NARS1: variants seen among roughly 807,000 people sequenced by gnomAD.
NARS1 encodes asparagine--tRNA ligase, cytoplasmic.
A neutral mutation model predicts 79.2 loss-of-function variants in NARS1; 65 were observed. The ratio of observed to expected loss-of-function variants is 0.82; its 90% CI spans 0.67 to 1.01. The LOEUF is 1.01. Among genes scored for constraint, NARS1 ranks in the 50% least tolerant of loss-of-function variants. The probability of loss-of-function intolerance (pLI) is 0.00; values close to 1 mark genes in which losing one functional copy is unlikely to be tolerated. For missense variants in NARS1, 649 were observed against 673.8 expected, an observed-to-expected ratio of 0.96 and a Z score of 0.41; for synonymous variants, 229 against 238.8, an observed-to-expected ratio of 0.96 and a Z score of 0.38.
At chr18:57,615,395 G>A (rs1408052504) in intron 4 of NARS1, among the ~76,000 whole-genome samples, 7 of 152,102 alleles carry the variant, frequency 4.6e-5, no homozygotes, top group African/African-American at 1.2e-4. Flanking sequence ...CCAGCTACTC[G>A]GGAGGCTGAG....
intron 11 of NARS1, among the ~76,000 whole-genome samples, chr18:57,604,282 T>C (rs902849934): frequency 6.6e-6 from 1 of 152,108 alleles, no homozygotes; most frequent in South Asian, 2.1e-4. Flanking sequence ...CTGGGCACAG[T>C]GTGGCTCATG....
At chr18:57,620,229 C>A (rs1411478942) in intron 2 of NARS1, among the ~76,000 whole-genome samples, 6 of 152,094 alleles carry the variant, frequency 3.9e-5, no homozygotes, top group Non-Finnish European at 5.9e-5. Context: ...CTCTCAGGAG[C>A]CCCCTGGTCA....
intron 2 of NARS1, among the ~76,000 whole-genome samples, chr18:57,617,658 T>C (rs1908109504): frequency 6.6e-6 from 1 of 150,614 alleles, no homozygotes; most frequent in African/African-American, 2.4e-5. Context: ...GGCTCACGCC[T>C]ATAATCCTAG....
In NARS1 at chr18:57,611,630, T is replaced by C; in HGVS notation, c.492+7A>G. On this transcript the variant is annotated splice_region_variant and intron_variant, in intron 6 of 13. Transcript: ENST00000256854. Reference sequence around the variant, plus strand: ...ATTTTCAGGCATAAATAAGAGAAAATATTTACCAACTCATCCGCCAAGACA... The same window carrying C: ...ATTTTCAGGCATAAATAAGAGAAAACATTTACCAACTCATCCGCCAAGACA... The C allele has an allele frequency of 6.4e-7, 1 of 1,572,170 alleles. No individual in the cohort carries two copies. The highest frequency in any genetic ancestry group is 8.7e-7 in the Non-Finnish European group (1 of 1,153,268).
In NARS1 at chr18:57,620,658, G is replaced by C; in HGVS notation, c.11-7C>G. ...TCAGAGACGTACAGCTCTGCTGTTT[G>C]ACAAAATGAGGGTAAGTTATGGTCT... On this transcript the variant is annotated splice_polypyrimidine_tract_variant and splice_region_variant and intron_variant, in intron 1 of 13. Transcript: ENST00000256854. 1 of 1,596,944 alleles carries C rather than the reference G, an allele frequency of 6.3e-7. No individual in the cohort carries two copies. Among genetic ancestry groups the C allele is most frequent in the Non-Finnish European group, 8.6e-7 (1 of 1,166,716 alleles).
At chr18:57,606,774 A>G in intron 9 of NARS1, 23 bp from the exon 10 acceptor site, 14 of 1,613,776 alleles carry the variant, frequency 8.7e-6, no homozygotes, top group Non-Finnish European at 1.1e-5. Flanking sequence ...ACAATAGCTC[A>G]GCACTGCTTT....
intron 4 of NARS1, among the ~76,000 whole-genome samples, chr18:57,614,782 C>T (rs1428622029): frequency 2.0e-5 from 3 of 152,206 alleles, no homozygotes; most frequent in African/African-American, 7.2e-5. Flanking sequence ...TCAGTTGGGA[C>T]AGAATTCATT....
chr18:57,607,031 T>C (rs1200648712), intron 9 of NARS1, 103 bp downstream of exon 9: 7 of 1,236,374 alleles, frequency 5.7e-6, no homozygotes, highest in Non-Finnish European at 7.9e-6. Flanking sequence ...ACTTAATATA[T>C]CAGTTGGTTT....
Position 57,618,193 on chromosome 18 carries a change from C to T in NARS1, c.94-2218G>A, listed in dbSNP as rs537365238. Among the ~76,000 whole-genome samples, 12 of 148,512 alleles carry T rather than the reference C, an allele frequency of 8.1e-5. No individual in the cohort carries two copies. In the South Asian group the frequency reaches 2.1e-3, roughly 26 times the overall value. On this transcript the variant is annotated intron_variant, in intron 2 of 13. Transcript: ENST00000256854. ...ATCCCAGCTACTCAGGACGCTGAGG[C>T]AGGGAGAATTGCTTGAACCCAGAAG...
At chr18:57,603,403 T>C (rs1262598902) in intron 11 of NARS1, among the ~76,000 whole-genome samples, 1 of 152,196 alleles carries the variant, frequency 6.6e-6, no homozygotes, top group Non-Finnish European at 1.5e-5. Flanking sequence ...ATGACACTTA[T>C]CTTTAAACTC....
rs766461778 is a variant in NARS1, at chr18:57,621,735, T to C, written c.-18A>G. Reference sequence around the variant, plus strand: ...AGCACCATGCCTGCAGTGGCCCTGGTCACCTCCAAGGACACAGACTGCAAC... The same window carrying C: ...AGCACCATGCCTGCAGTGGCCCTGGCCACCTCCAAGGACACAGACTGCAAC... On this transcript the variant is annotated 5_prime_UTR_variant, in exon 1 of 14. Coordinates refer to ENST00000256854, the MANE Select transcript of NARS1 (RefSeq NM_004539.4). 1.2e-6 allele frequency: 2 copies of C among 1,613,962 alleles called. No homozygotes were observed. The highest frequency in any genetic ancestry group is 2.2e-5 in the South Asian group (2 of 91,080).
In NARS1 at chr18:57,609,420, G is replaced by A; in HGVS notation, c.516C>T (p.Leu172=). 2 of 1,613,896 alleles carry A rather than the reference G, an allele frequency of 1.2e-6. No individual in the cohort carries two copies. Among genetic ancestry groups the A allele is most frequent in the Middle Eastern group, 1.7e-4 (1 of 6,060 alleles). ...DELCQCYNGV[L]LSTESSVAVY... ...CTGCAACACTGCTCTCCGTGGACAA[G>A]AGAACTCCATTGTAGCACTGACACT... Residue 172 remains leucine, a synonymous_variant, in exon 7 of 14, where the codon CTC becomes CTT. Coordinates refer to ENST00000256854, the MANE Select transcript of NARS1 (RefSeq NM_004539.4).
chr18:57,621,297 G>C (rs1329135069), intron 1 of NARS1, among the ~76,000 whole-genome samples: 1 of 150,352 alleles, frequency 6.7e-6, no homozygotes, highest in Non-Finnish European at 1.5e-5. Context: ...GGTCTCCCCG[G>C]AAACCTCAAT....
At chr18:57,618,435 C>T (rs1908153749) in intron 2 of NARS1, among the ~76,000 whole-genome samples, 1 of 152,158 alleles carries the variant, frequency 6.6e-6, no homozygotes, top group Admixed American at 6.5e-5. Context: ...ATTGAAAGAG[C>T]CAAACTATCA....
intron 5 of NARS1, 101 bp downstream of exon 5, chr18:57,613,501 A>G (rs2051622134): frequency 4.9e-6 from 5 of 1,015,406 alleles, no homozygotes; most frequent in African/African-American, 1.6e-5. Context: ...TAAGAAAAAA[A>G]GGGGGAGAGA....
In NARS1 at chr18:57,601,615, T is replaced by C. The variant is rs1487938330; in HGVS notation, c.*37A>G. ...TTTTCTTTTTTAAAGAGCCTGTTCC[T>C]TTCATAATCTTTCCTCCACGCTTCT... On this transcript the variant is annotated 3_prime_UTR_variant, in exon 14 of 14. Transcript: ENST00000256854. 1 of 1,602,496 alleles carries C rather than the reference T, an allele frequency of 6.2e-7. No homozygotes were observed. Among genetic ancestry groups the C allele is most frequent in the Non-Finnish European group, 8.5e-7 (1 of 1,171,666 alleles).
intron 9 of NARS1, 110 bp from the exon 10 acceptor site, chr18:57,606,861 AT>A (rs774616518): frequency 1.4e-5 from 20 of 1,441,902 alleles, no homozygotes; most frequent in Admixed American, 2.0e-5. Context: ...AATGCTACCA[AT>A]TCCCAACTTT....
chr18:57,611,155 T>C (rs2051601906), intron 6 of NARS1, among the ~76,000 whole-genome samples: 1 of 151,820 alleles, frequency 6.6e-6, no homozygotes, highest in Non-Finnish European at 1.5e-5. Flanking sequence ...TTTGTAGAGA[T>C]AGGATTTCAC....
chr18:57,602,767 C>A (rs763372172), intron 12 of NARS1, 45 bp downstream of exon 12: 31 of 1,601,410 alleles, frequency 1.9e-5, no homozygotes, highest in Non-Finnish European at 2.6e-6. Flanking sequence ...GTCCCCACCC[C>A]CTTAAAAAGC....
Sources: gnomAD v4.1 joint callset for allele counts (sites outside exome capture counted in the v4.1 genomes callset) on GRCh38, gnomAD v4.1.1 for gene constraint, MANE v1.5 for transcripts, NCBI Gene and HGNC (gene_info 2026-07-23, HGNC 2026-07-21) for gene names.